STAT1: variants seen among roughly 807,000 people sequenced by gnomAD.
The protein encoded by STAT1 is signal transducer and activator of transcription 1.
STAT1 carries 24 observed loss-of-function variants against 111.7 expected under a neutral mutation model. The ratio of observed to expected loss-of-function variants is 0.21; its 90% CI spans 0.16 to 0.30. The LOEUF is 0.30. STAT1 is among the 10% of genes least tolerant of loss of function. The probability of loss-of-function intolerance (pLI) is 1.00; values close to 1 mark genes in which losing one functional copy is unlikely to be tolerated. For synonymous variants in STAT1, 332 were observed against 326.5 expected (o/e 1.02, Z -0.18); for missense variants, 351 against 911.9 (o/e 0.38, Z 7.92).
chr2:191,009,615 A>G (rs1393647595), intron 3 of STAT1, among the ~76,000 whole-genome samples: 1 of 152,230 alleles, frequency 6.6e-6, no homozygotes, highest in African/African-American at 2.4e-5. Context: ...ACTTGTCCAA[A>G]GCATTTAGGA....
intron 12 of STAT1, among the ~76,000 whole-genome samples, chr2:190,988,178 T>C (rs546814146): frequency 6.6e-6 from 1 of 152,298 alleles, no homozygotes; most frequent in Admixed American, 6.5e-5. Flanking sequence ...CTTGTTCACT[T>C]GGAACACTGT....
chr2:190,996,143 C>T lies in STAT1; in HGVS notation c.786-924G>A, dbSNP rs184780009. Among the ~76,000 whole-genome samples the T allele has an allele frequency of 6.6e-6, 1 of 152,230 alleles. No homozygotes were observed. Among genetic ancestry groups the T allele is most frequent in the East Asian group, 1.9e-4 (1 of 5,184 alleles). On this transcript the variant is annotated intron_variant, in intron 9 of 24. Coordinates refer to ENST00000361099, the MANE Select transcript of STAT1 (RefSeq NM_007315.4). This position sits in a 1 kb window ranked among gnomAD's most constrained non-coding sequence, Gnocchi z 4.5. Reference sequence around the variant, plus strand: ...TCAACTGAAAGGAGAAGGCAGTATGCTCAGTCTAGACCCTAAACATAAAAA... The same window carrying T: ...TCAACTGAAAGGAGAAGGCAGTATGTTCAGTCTAGACCCTAAACATAAAAA...
chr2:190,978,608 T>C lies in STAT1; in HGVS notation c.1873+248A>G. 1.8e-6 allele frequency: 1 copy of C among 559,474 alleles called. No homozygotes were observed. Among genetic ancestry groups the C allele is most frequent in the South Asian group, 1.9e-5 (1 of 51,966 alleles). The allele number at this position is 559,474 out of a possible 1,614,324, so 34.7% of individuals were successfully genotyped here. ...ATCCTTGATCTGCAGATAACAAACC[T>C]GATGCAAAGGAAAGAATTGGCATTG... On this transcript the variant is annotated intron_variant, in intron 21 of 24. Transcript: ENST00000361099. The surrounding 1 kb of genome is among the most constrained non-coding windows in gnomAD (Gnocchi z 6.1).
Position 190,987,090 on chromosome 2 carries a change from TCA to T in STAT1, c.1098-24_1098-23del. 6.4e-7 allele frequency: 1 copy of T among 1,567,620 alleles called. No homozygotes were observed. The highest frequency in any genetic ancestry group is 2.2e-5 in the East Asian group (1 of 44,554). On this transcript the variant is annotated intron_variant, in intron 12 of 24. Coordinates refer to ENST00000361099, the MANE Select transcript of STAT1 (RefSeq NM_007315.4). The surrounding 1 kb of genome is among the most constrained non-coding windows in gnomAD (Gnocchi z 4.0). ...ATCTCTGCAAAAAAAATATATATAA[TCA>T]CATATGCGTATTTAAAATTTGAAAT...
chr2:190,974,818 C>A lies in STAT1; in HGVS notation c.2238+12G>T, dbSNP rs756904860. On this transcript the variant is annotated intron_variant, in intron 24 of 24. Transcript: ENST00000361099. The surrounding 1 kb of genome is among the most constrained non-coding windows in gnomAD (Gnocchi z 4.8). ...TATTGAGAGCTACACACAGGCCAGC[C>A]GTGGTACTCACCATACTGTCGAATT... The A allele has an allele frequency of 6.2e-7, 1 of 1,608,950 alleles. No individual in the cohort carries two copies. The highest frequency in any genetic ancestry group is 2.2e-5 in the East Asian group (1 of 44,858).
chr2:191,008,830 C>A lies in STAT1; in HGVS notation c.273+133G>T, dbSNP rs574070144. 4.8e-5 allele frequency: 44 copies of A among 916,474 alleles called. 1 individual carries two copies. The highest frequency in any genetic ancestry group is 7.2e-5 in the Non-Finnish European group (44 of 609,474). 56.8% of individuals were successfully genotyped at this position (916,474 alleles called of 1,614,324 possible). A position where few individuals can be genotyped will look rare whatever the true frequency, so the allele number is the denominator to read the frequency against. On this transcript the variant is annotated intron_variant, in intron 4 of 24. Coordinates refer to ENST00000361099, the MANE Select transcript of STAT1 (RefSeq NM_007315.4). ...CTATATTTACTGATGCTGTAGAAAA[C>A]ATAAATGGAGTTAGTCTCTATTACT... is the stretch of plus-strand genomic sequence containing the variant.
Position 190,971,019 on chromosome 2 carries a change from G to A in STAT1, c.2239-302C>T, listed in dbSNP as rs1396855315. 6.6e-6 allele frequency among the ~76,000 whole-genome samples: 1 copy of A among 152,170 alleles called. No individual in the cohort carries two copies. Among genetic ancestry groups the A allele is most frequent in the African/African-American group, 2.4e-5 (1 of 41,426 alleles). Reference sequence around the variant, plus strand: ...TATGCAAGTCTGGGGACAGAGCAACGTGTCAAATCTGCTCATGTGAAACGG... The same window carrying A: ...TATGCAAGTCTGGGGACAGAGCAACATGTCAAATCTGCTCATGTGAAACGG... On this transcript the variant is annotated intron_variant, in intron 24 of 24. Coordinates refer to ENST00000361099, the MANE Select transcript of STAT1 (RefSeq NM_007315.4). The surrounding 1 kb of genome is among the most constrained non-coding windows in gnomAD (Gnocchi z 4.1).
chr2:191,001,118 T>G lies in STAT1; in HGVS notation c.418A>C (p.Lys140Gln). Reference sequence around the variant, plus strand: ...TTTCTGACTTTACTGTCAAGCTCTTTCTGTTTGTCTAACATCACTGTGCTC... The same window carrying G: ...TTTCTGACTTTACTGTCAAGCTCTTGCTGTTTGTCTAACATCACTGTGCTC... ...IQSTVMLDKQ[K>Q]ELDSKVRNVK... The change falls in exon 6 of 25, where the codon AAA becomes CAA. Residue 140 changes from lysine to glutamine, a missense_variant. Transcript: ENST00000361099. 1 of 1,614,144 alleles carries G rather than the reference T, an allele frequency of 6.2e-7. No individual in the cohort carries two copies. The highest frequency in any genetic ancestry group is 1.7e-5 in the Admixed American group (1 of 60,030).
In STAT1 at chr2:190,976,065, A is replaced by G. The variant is rs971461758; in HGVS notation, c.2060-178T>C. Among the ~76,000 whole-genome samples, 15 of 152,358 alleles carry G rather than the reference A, an allele frequency of 9.8e-5. No homozygotes were observed. The highest frequency in any genetic ancestry group is 3.4e-4 in the African/African-American group (14 of 41,590). ...CTAAAATTCTAGTGGGAATGCAGAA[A>G]CAACGAGAAGAAGGATCTGAATTCA... is the stretch of plus-strand genomic sequence containing the variant. On this transcript the variant is annotated intron_variant, in intron 22 of 24. Coordinates refer to ENST00000361099, the MANE Select transcript of STAT1 (RefSeq NM_007315.4). This position sits in a 1 kb window ranked among gnomAD's most constrained non-coding sequence, Gnocchi z 6.0.
At chr2:191,010,192 C>CT (rs1489064175) in intron 2 of STAT1, among the ~76,000 whole-genome samples, 188 bp from the exon 3 acceptor site, 1 of 152,144 alleles carries the variant, frequency 6.6e-6, no homozygotes. Context: ...TGGGGATGAA[C>CT]TTTTTTTCTC....
rs1448301405 is a variant in STAT1 at position 190,980,725 on chromosome 2, G to C, written c.1583-56C>G. 4 of 1,557,044 alleles carry C rather than the reference G, an allele frequency of 2.6e-6. No individual in the cohort carries two copies. The highest frequency in any genetic ancestry group is 3.4e-5 in the Admixed American group (2 of 59,698). ...AACAGAAACTGATTCTAAAGCTTTG[G>C]TTGGACGGATGGCTCTTGTATTTGC... On this transcript the variant is annotated intron_variant, in intron 18 of 24. Coordinates refer to ENST00000361099, the MANE Select transcript of STAT1 (RefSeq NM_007315.4). This position sits in a 1 kb window ranked among gnomAD's most constrained non-coding sequence, Gnocchi z 6.1.
Position 190,990,565 on chromosome 2 carries a change from C to T in STAT1, c.1037+663G>A, listed in dbSNP as rs147858829. On this transcript the variant is annotated intron_variant, in intron 11 of 24. Transcript: ENST00000361099. This position sits in a 1 kb window ranked among gnomAD's most constrained non-coding sequence, Gnocchi z 5.1. The stretch of plus-strand genomic sequence containing the variant: ...ACAAAACAATGTATGTAGCCTACTC[C>T]GAGTTTTTAAAAAAGAAATATGTCA... Among the ~76,000 whole-genome samples the T allele has an allele frequency of 5.8e-4, 89 of 152,142 alleles. No individual in the cohort carries two copies. The East Asian group carries it at 0.013, about 22-fold the overall frequency.
intron 2 of STAT1, chr2:191,010,464 A>C (rs980379301): frequency 4.5e-5 from 20 of 443,676 alleles, no homozygotes; most frequent in South Asian, 3.2e-4. Context: ...AACAATGTCA[A>C]CCACATAGTA....
rs1691411968 is a variant in STAT1 at position 190,970,949 on chromosome 2, C to T, written c.2239-232G>A. ...GGATTATTACTCTGCTGCCCACTGG[C>T]TTAATTTTGTGAATCCATCCAGACT... On this transcript the variant is annotated intron_variant, in intron 24 of 24. Transcript: ENST00000361099. The surrounding 1 kb of genome is among the most constrained non-coding windows in gnomAD (Gnocchi z 5.4). 6.6e-6 allele frequency among the ~76,000 whole-genome samples: 1 copy of T among 152,188 alleles called. No homozygotes were observed.
In STAT1 at chr2:191,007,728, A is replaced by T. The variant is rs1426051468; in HGVS notation, c.274-67T>A. 1.7e-6 allele frequency: 2 copies of T among 1,172,926 alleles called. No individual in the cohort carries two copies. The highest frequency in any genetic ancestry group is 3.0e-5 in the African/African-American group (2 of 66,156). The allele number at this position is 1,172,926 out of a possible 1,614,324, so 72.7% of individuals were successfully genotyped here. ...AATGTTTACTTTATTGTGTATTGTA[A>T]GTTGATATGAATTTGTTTATATTCT... is the stretch of plus-strand genomic sequence containing the variant. On this transcript the variant is annotated intron_variant, in intron 4 of 24. Coordinates refer to ENST00000361099, the MANE Select transcript of STAT1 (RefSeq NM_007315.4). This position sits in a 1 kb window ranked among gnomAD's most constrained non-coding sequence, Gnocchi z 4.2.
Position 190,971,353 on chromosome 2 carries a change from C to T in STAT1, c.2239-636G>A, listed in dbSNP as rs193140548. On this transcript the variant is annotated intron_variant, in intron 24 of 24. Transcript: ENST00000361099. This position sits in a 1 kb window ranked among gnomAD's most constrained non-coding sequence, Gnocchi z 4.1. ...CTTTCAATCGAGGATGATTCTGTCC[C>T]CTGGCAATGGCTGAAGACATTGCTG... Among the ~76,000 whole-genome samples, 2 of 152,264 alleles carry T rather than the reference C, an allele frequency of 1.3e-5. No homozygotes were observed. The highest frequency in any genetic ancestry group is 3.9e-4 in the East Asian group (2 of 5,192).
At position 190,995,180 on chromosome 2, in the gene STAT1, C is replaced by T. The variant is rs61756197; in HGVS notation, c.825G>A (p.Gln275=). 578 of 1,613,776 alleles carry T rather than the reference C, an allele frequency of 3.6e-4. No homozygotes were observed. The highest frequency in any genetic ancestry group is 4.3e-4 in the Non-Finnish European group (513 of 1,179,978). ...IVAESLQQVR[Q]QLKKLEELEQ... is the part of the protein sequence containing the mutation. ...CCAATTCCTCCAACTTTTTAAGCTG[C>T]TGCCGAACTTGCTGCAGACTCTCCG... The change falls in exon 10 of 25, where the codon CAG becomes CAA. Residue 275 remains glutamine, a synonymous_variant. Coordinates refer to ENST00000361099, the MANE Select transcript of STAT1 (RefSeq NM_007315.4). The surrounding 1 kb of genome is among the most constrained non-coding windows in gnomAD (Gnocchi z 4.2).
chr2:191,005,535 C>T (rs1376601099), intron 5 of STAT1, among the ~76,000 whole-genome samples: 2 of 152,170 alleles, frequency 1.3e-5, no homozygotes, highest in African/African-American at 4.8e-5. Flanking sequence ...AGTACAACTT[C>T]ATATTGTACA....
Position 190,991,270 on chromosome 2 carries a change from G to A in STAT1, c.995C>T (p.Pro332Leu), listed in dbSNP as rs1693312253. The change falls in exon 11 of 25, where the codon CCG (proline) becomes CTG (leucine). Residue 332 changes from proline to leucine, a missense_variant. Physicochemically the swap from Pro to Leu is moderately conservative, Grantham distance 98 (BLOSUM62 -3). Around this residue, in one of 7 missense-constraint regions of STAT1, gnomAD observed 23 missense variants for 123.1 expected, o/e 0.19. Transcript: ENST00000361099. ...CTGGACCCCTGTCTTCAAGACCAGC[G>A]GCCTCTGAGGGTGCGTTGGCATGCA... The part of the protein sequence containing the change: ...QPCMPTHPQR[P>L]LVLKTGVQFT... The A allele has an allele frequency of 1.2e-6, 2 of 1,614,004 alleles. No individual in the cohort carries two copies. Among genetic ancestry groups the A allele is most frequent in the Non-Finnish European group, 1.7e-6 (2 of 1,180,006 alleles).
Sources: gnomAD v4.1 joint callset for allele counts (sites outside exome capture counted in the v4.1 genomes callset) on GRCh38, gnomAD v4.1.1 for gene constraint, gnomAD v4.1.1 regional missense constraint, Gnocchi (gnomAD v3.1) non-coding constraint, MANE v1.5 for transcripts, NCBI Gene and HGNC (gene_info 2026-07-23, HGNC 2026-07-21) for gene names.